The following SNTG2 variants were observed in gnomAD, a reference collection of about 807,000 sequenced individuals.
SNTG2 encodes gamma-2-syntrophin.
Under a neutral mutation model 70.9 loss-of-function variants are expected in SNTG2, and 74 were observed. The ratio of observed to expected loss-of-function variants is 1.04; its 90% CI spans 0.86 to 1.27. The LOEUF (loss-of-function observed/expected upper bound fraction) is 1.27, where lower values mean the gene tolerates loss of function less well. Ranked by LOEUF, SNTG2 falls within the 50% of genes most tolerant of loss-of-function variation. The pLI, the probability that SNTG2 is intolerant of heterozygous loss-of-function variation, is 0.00. For missense variants in SNTG2, 717 were observed against 690.7 expected (o/e 1.04, Z -0.43); for synonymous variants, 278 against 273.8 (o/e 1.02, Z -0.15).
chr2:1,238,573 G>GA (rs1676837005), intron 10 of SNTG2, among the ~76,000 whole-genome samples: 1 of 152,180 alleles, frequency 6.6e-6, no homozygotes, highest in African/African-American at 2.4e-5. Flanking sequence ...TTAAAGAAAT[G>GA]AAAAGAGATG....
At chr2:1,176,699 C>G (rs967414677) in intron 8 of SNTG2, among the ~76,000 whole-genome samples, 1 of 151,614 alleles carries the variant, frequency 6.6e-6, no homozygotes, top group Non-Finnish European at 1.5e-5. Context: ...AGATACTTCT[C>G]AAAAGAAGAC....
At chr2:1,193,822 A>G (rs1056634740) in intron 8 of SNTG2, among the ~76,000 whole-genome samples, 1 of 152,234 alleles carries the variant, frequency 6.6e-6, no homozygotes, top group Non-Finnish European at 1.5e-5. Flanking sequence ...CACACTTTAC[A>G]CCCACCAGAA....
chr2:1,117,616 G>C (rs536633620), intron 4 of SNTG2, among the ~76,000 whole-genome samples: 2 of 152,216 alleles, frequency 1.3e-5, no homozygotes, highest in East Asian at 3.9e-4. Context: ...GAACCGAGGC[G>C]GAGCTGTGCC....
intron 1 of SNTG2, among the ~76,000 whole-genome samples, chr2:1,061,794 A>G (rs1662841333): frequency 6.6e-6 from 1 of 152,194 alleles, no homozygotes; most frequent in Non-Finnish European, 1.5e-5. Context: ...AAACCCTCAC[A>G]GTTCTTGTCA....
intron 16 of SNTG2, among the ~76,000 whole-genome samples, chr2:1,322,872 C>G (rs554915922): frequency 6.6e-6 from 1 of 152,246 alleles, no homozygotes; most frequent in Admixed American, 6.5e-5. Flanking sequence ...GAATATCCCA[C>G]CCTCCACCTT....
intron 14 of SNTG2, among the ~76,000 whole-genome samples, chr2:1,299,855 T>C (rs1680372702): frequency 6.6e-6 from 1 of 152,224 alleles, no homozygotes; most frequent in South Asian, 2.1e-4. Context: ...CTCGTGAGTT[T>C]ACCATGAGAA....
At chr2:1,168,322 G>A (rs539204863) in intron 7 of SNTG2, among the ~76,000 whole-genome samples, 84 of 152,264 alleles carry the variant, frequency 5.5e-4, no homozygotes, top group African/African-American at 1.9e-3. Flanking sequence ...CCTACAGGCC[G>A]CCCACAGACG....
At position 1,260,832 on chromosome 2, in the gene SNTG2, T is replaced by C. The variant is rs542624872; in HGVS notation, c.1077+1391T>C. 4.6e-5 allele frequency among the ~76,000 whole-genome samples: 7 copies of C among 152,294 alleles called. No homozygotes were observed. In the South Asian group the frequency reaches 1.5e-3, roughly 32 times the overall value. On this transcript the variant is annotated intron_variant, in intron 13 of 16. Coordinates refer to ENST00000308624, the MANE Select transcript of SNTG2 (RefSeq NM_018968.4). ...TTTTTGTTTCCTTCGCATGGGCTCC[T>C]CATCAACACATTTTCGCTTCTCCCC...
chr2:1,223,831 A>G (rs1675548261), intron 9 of SNTG2, among the ~76,000 whole-genome samples: 1 of 132,124 alleles, frequency 7.6e-6, no homozygotes, highest in Admixed American at 7.4e-5. Flanking sequence ...AGTTCCACAG[A>G]TGGGTGACCT....
intron 16 of SNTG2, among the ~76,000 whole-genome samples, chr2:1,354,853 G>A (rs1180108691): frequency 6.6e-6 from 1 of 152,358 alleles, no homozygotes; most frequent in East Asian, 1.9e-4. Flanking sequence ...TTTACAGCAG[G>A]TTAAAATCTT....
chr2:1,130,882 G>A (rs962647358), intron 4 of SNTG2, among the ~76,000 whole-genome samples: 1 of 152,160 alleles, frequency 6.6e-6, no homozygotes, highest in African/African-American at 2.4e-5. Flanking sequence ...TCAATTTAGA[G>A]TTTCATTCGC....
intron 13 of SNTG2, 47 bp downstream of exon 13, chr2:1,259,488 C>G (rs762463924): frequency 5.7e-5 from 84 of 1,482,316 alleles, no homozygotes; most frequent in Non-Finnish European, 1.9e-5. Flanking sequence ...ATAAGATGCC[C>G]TTTGGGCTTG....
At chr2:1,283,200 A>G (rs1471958004) in intron 14 of SNTG2, among the ~76,000 whole-genome samples, 2 of 152,018 alleles carry the variant, frequency 1.3e-5, no homozygotes, top group Admixed American at 1.3e-4. Flanking sequence ...CCCACGCCCT[A>G]ACTCCTCAGC....
chr2:1,361,408 A>G (rs1360248075), intron 16 of SNTG2, among the ~76,000 whole-genome samples: 1 of 152,216 alleles, frequency 6.6e-6, no homozygotes, highest in Non-Finnish European at 1.5e-5. Context: ...GGAGACAGAC[A>G]GTGCAATTAA....
intron 16 of SNTG2, among the ~76,000 whole-genome samples, chr2:1,327,514 C>T (rs1044515835): frequency 1.3e-5 from 2 of 152,118 alleles, no homozygotes; most frequent in African/African-American, 4.8e-5. Flanking sequence ...ACTAAAAGTT[C>T]ATTTATAAAC....
intron 8 of SNTG2, among the ~76,000 whole-genome samples, chr2:1,201,605 A>G (rs1023616620): frequency 6.6e-6 from 1 of 151,930 alleles, no homozygotes. Context: ...CAAAATACCT[A>G]GAAGAAAATA....
At chr2:1,196,906 C>A (rs1672942916) in intron 8 of SNTG2, among the ~76,000 whole-genome samples, 1 of 152,092 alleles carries the variant, frequency 6.6e-6, no homozygotes, top group South Asian at 2.1e-4. Context: ...AGTGAAAGGA[C>A]CACATCTACC....
chr2:1,151,818 C>T (rs746634450), intron 6 of SNTG2, among the ~76,000 whole-genome samples: 7 of 152,152 alleles, frequency 4.6e-5, no homozygotes, highest in Non-Finnish European at 8.8e-5. Context: ...TTTACCTAAT[C>T]CTCATAGCGA....
At chr2:1,240,790 T>C (rs924496375) in intron 11 of SNTG2, among the ~76,000 whole-genome samples, 1 of 152,172 alleles carries the variant, frequency 6.6e-6, no homozygotes, top group African/African-American at 2.4e-5. Context: ...GAATAAATGG[T>C]TCTTCTAACT....
Sources: allele counts gnomAD v4.1 joint callset (sites outside exome capture counted in the v4.1 genomes callset), GRCh38; gene constraint gnomAD v4.1.1; transcripts MANE v1.5; gene names NCBI Gene and HGNC (gene_info 2026-07-23, HGNC 2026-07-21).